Variants in ASAP2 observed in about 807,000 individuals in gnomAD.
The protein encoded by ASAP2 is arf-GAP with SH3 domain, ANK repeat and PH domain-containing protein 2.
ASAP2 carries 45 observed loss-of-function variants against 131.4 expected under a neutral mutation model. The ratio of observed to expected loss-of-function variants is 0.34; its 90% CI spans 0.27 to 0.44. The LOEUF (loss-of-function observed/expected upper bound fraction) is 0.44. ASAP2 is among the 20% of genes least tolerant of loss of function. ASAP2 has a pLI of 1.00. For synonymous variants in ASAP2, 510 were observed against 503.0 expected (o/e 1.01, Z -0.19); for missense variants, 1,011 against 1,297.0 (o/e 0.78, Z 3.39).
At chr2:9,393,793 T>A in intron 24 of ASAP2, 146 bp downstream of exon 24, 1 of 838,636 alleles carries the variant, frequency 1.2e-6, no homozygotes, top group Non-Finnish European at 1.7e-6. Context: ...TGAAGGGTCT[T>A]AAAAATAACT....
chr2:9,303,299 AT>A (rs1668613963), intron 3 of ASAP2, among the ~76,000 whole-genome samples: 1 of 152,172 alleles, frequency 6.6e-6, no homozygotes, highest in African/African-American at 2.4e-5. Context: ...CTGGACTATT[AT>A]TAGGTGTCCG....
At chr2:9,228,044 A>G (rs1662902544) in intron 1 of ASAP2, among the ~76,000 whole-genome samples, 1 of 152,234 alleles carries the variant, frequency 6.6e-6, no homozygotes, top group African/African-American at 2.4e-5. Context: ...AGGATAGTCT[A>G]GATAACATTA....
At chr2:9,352,119 T>C (rs1456565222) in intron 12 of ASAP2, among the ~76,000 whole-genome samples, 1 of 152,086 alleles carries the variant, frequency 6.6e-6, no homozygotes, top group Non-Finnish European at 1.5e-5. Context: ...TCCCAGCTAC[T>C]CGGGAGGCTG....
intron 2 of ASAP2, among the ~76,000 whole-genome samples, chr2:9,282,812 T>TGGGA (rs1280211725): frequency 5.9e-5 from 9 of 152,264 alleles, no homozygotes; most frequent in African/African-American, 2.2e-4. Flanking sequence ...CTGCCTGCTT[T>TGGGA]CCTGATTTGT....
chr2:9,388,918 T>G (rs1675510148), intron 22 of ASAP2, among the ~76,000 whole-genome samples: 1 of 152,210 alleles, frequency 6.6e-6, no homozygotes, highest in Non-Finnish European at 1.5e-5. Flanking sequence ...TCATTCTTCC[T>G]TTTTATTTCT....
rs151058650 is a variant in ASAP2, at chr2:9,294,896, G to C, written c.200-2404G>C. Reference sequence around the variant, plus strand: ...GCGAGGGAGTAAGCAGGACCATGGAGGTTGCGTTCCTGTTTCTGTCATGCA... The same window carrying C: ...GCGAGGGAGTAAGCAGGACCATGGACGTTGCGTTCCTGTTTCTGTCATGCA... On this transcript the variant is annotated intron_variant, in intron 2 of 27. Coordinates refer to ENST00000281419, the MANE Select transcript of ASAP2 (RefSeq NM_003887.3). Among the ~76,000 whole-genome samples, 397 of 152,332 alleles carry C rather than the reference G, an allele frequency of 2.6e-3. 1 individual carries two copies. The highest frequency in any genetic ancestry group is 9.2e-3 in the African/African-American group (383 of 41,578).
intron 9 of ASAP2, among the ~76,000 whole-genome samples, chr2:9,336,708 G>A (rs993220642): frequency 6.6e-6 from 1 of 152,162 alleles, no homozygotes; most frequent in Non-Finnish European, 1.5e-5. Context: ...AGGCCCTGAC[G>A]CTTTGATATT....
intron 1 of ASAP2, among the ~76,000 whole-genome samples, chr2:9,225,617 G>A (rs1558247442): frequency 6.6e-6 from 1 of 152,190 alleles, no homozygotes; most frequent in South Asian, 2.1e-4. Flanking sequence ...AAATATTAAG[G>A]GCTTTTGCGT....
Position 9,334,795 on chromosome 2 carries a change from G to T in ASAP2, c.744G>T (p.Leu248=). 1.9e-6 allele frequency: 3 copies of T among 1,614,052 alleles called. No individual in the cohort carries two copies. Among genetic ancestry groups the T allele is most frequent in the African/African-American group, 1.3e-5 (1 of 75,040 alleles). Residue 248 remains leucine (L), a synonymous_variant, in exon 8 of 28, where the codon CTG becomes CTT. Transcript: ENST00000281419. ...VESLKPSIET[L]STDLHTIKQA... is the part of the protein sequence containing the mutation. ...GCCTCAAACCTTCCATTGAAACGCT[G>T]TCTACGGATCTTCACACGGTGAGTA...
intron 21 of ASAP2, among the ~76,000 whole-genome samples, chr2:9,386,612 C>T (rs1675280592): frequency 6.6e-6 from 1 of 152,196 alleles, no homozygotes. Flanking sequence ...TGAAGAACCA[C>T]TGGGTGCTTA....
chr2:9,236,912 A>G (rs1053022326), intron 1 of ASAP2, among the ~76,000 whole-genome samples: 14 of 152,026 alleles, frequency 9.2e-5, no homozygotes, highest in Non-Finnish European at 1.9e-4. Context: ...GCAATATCTG[A>G]GTGTCAGAAA....
chr2:9,260,290 C>T (rs1366572460), intron 1 of ASAP2, among the ~76,000 whole-genome samples: 1 of 152,208 alleles, frequency 6.6e-6, no homozygotes, highest in Non-Finnish European at 1.5e-5. Flanking sequence ...AAGCCTGGGT[C>T]ATGAGGATGA....
At chr2:9,224,591 G>A (rs936793167) in intron 1 of ASAP2, among the ~76,000 whole-genome samples, 3 of 152,112 alleles carry the variant, frequency 2.0e-5, no homozygotes, top group Non-Finnish European at 4.4e-5. Context: ...AAGGATGATC[G>A]AAATCTCCAC....
chr2:9,391,287 C>T (rs1289723790), intron 23 of ASAP2, 91 bp downstream of exon 23: 1 of 1,501,878 alleles, frequency 6.7e-7, no homozygotes, highest in Non-Finnish European at 8.9e-7. Context: ...GCTGCCAGCA[C>T]AGACACGTGC....
chr2:9,249,203 TG>T (rs753069588), intron 1 of ASAP2, among the ~76,000 whole-genome samples: 1 of 152,184 alleles, frequency 6.6e-6, no homozygotes, highest in Non-Finnish European at 1.5e-5. Context: ...CAGACAGCAA[TG>T]GCCTCATGTC....
intron 20 of ASAP2, among the ~76,000 whole-genome samples, chr2:9,382,039 A>G (rs907600427): frequency 7.4e-6 from 1 of 135,828 alleles, no homozygotes; most frequent in African/African-American, 2.9e-5. Context: ...GCTGGAGTGC[A>G]GTGACATGAT....
At chr2:9,292,448 T>A (rs747844423) in intron 2 of ASAP2, among the ~76,000 whole-genome samples, 1 of 151,880 alleles carries the variant, frequency 6.6e-6, no homozygotes, top group Non-Finnish European at 1.5e-5. Context: ...AACCCAGGAG[T>A]TGGAGGTTGC....
At chr2:9,262,526 C>T (rs2148206035) in intron 1 of ASAP2, among the ~76,000 whole-genome samples, 1 of 152,262 alleles carries the variant, frequency 6.6e-6, no homozygotes, top group South Asian at 2.1e-4. Flanking sequence ...TTTTTGAGGT[C>T]ACGCGGCTAG....
At chr2:9,333,545 A>C (rs1157911773) in intron 7 of ASAP2, among the ~76,000 whole-genome samples, 1 of 151,488 alleles carries the variant, frequency 6.6e-6, no homozygotes, top group Non-Finnish European at 1.5e-5. Flanking sequence ...GACACACCTT[A>C]GGAGAAGGCT....
Sources: allele counts gnomAD v4.1 joint callset (sites outside exome capture counted in the v4.1 genomes callset), GRCh38; gene constraint gnomAD v4.1.1; transcripts MANE v1.5; gene names NCBI Gene and HGNC (gene_info 2026-07-23, HGNC 2026-07-21).